Variants in SLC44A5 observed in about 807,000 individuals in gnomAD.
SLC44A5 encodes solute carrier family 44 member 5.
In SLC44A5, 57 loss-of-function variants were observed where a neutral mutation model predicts 101.8. The observed-to-expected ratio is 0.56, with a 90% CI of 0.45 to 0.70. The LOEUF is 0.70. Among genes scored for constraint, SLC44A5 ranks in the 30% least tolerant of loss-of-function variants. The probability of loss-of-function intolerance (pLI) is 0.00; values close to 1 mark genes in which losing one functional copy is unlikely to be tolerated. For synonymous variants in SLC44A5, 281 were observed against 290.9 expected (o/e 0.97, Z 0.35); for missense variants, 737 against 853.1 (o/e 0.86, Z 1.70).
At chr1:75,384,052 G>A (rs11487973) in intron 3 of SLC44A5, among the ~76,000 whole-genome samples, 39,110 of 150,804 alleles carry the variant, frequency 0.26, 5,461 homozygotes, top group African/African-American at 0.36. Context: ...AGCTCCTGAA[G>A]GAAGCACTAA....
At position 75,537,031 on chromosome 1, in the gene SLC44A5, AAAATAT is replaced by A. The variant is rs1177606011; in HGVS notation, c.13+4398_13+4403del. Among the ~76,000 whole-genome samples the A allele has an allele frequency of 3.2e-4, 5 of 15,742 alleles. 1 individual carries two copies. In the Admixed American group the frequency reaches 3.9e-3, roughly 12 times the overall value. The allele number at this position is 15,742 out of a possible 152,430, so 10.3% of individuals were successfully genotyped here. A position where few individuals can be genotyped will look rare whatever the true frequency, so the allele number is the denominator to read the frequency against. On this transcript the variant is annotated intron_variant, in intron 2 of 23. Transcript: ENST00000370859. ...AAAAAAAAAAAAAAAAAAAAAAAAAAAAATATATATCTATGCCAAATGATTCTGAAT... is the reference window on the plus strand; with the variant it reads ...AAAAAAAAAAAAAAAAAAAAAAAAAAATATCTATGCCAAATGATTCTGAAT...
chr1:75,329,729 A>T (rs530222576), intron 4 of SLC44A5, among the ~76,000 whole-genome samples: 11 of 152,232 alleles, frequency 7.2e-5, no homozygotes, highest in Admixed American at 3.9e-4. Context: ...TATTTTACAC[A>T]TATGCCGAGG....
At chr1:75,355,888 T>C (rs1659028479) in intron 3 of SLC44A5, among the ~76,000 whole-genome samples, 2 of 152,100 alleles carry the variant, frequency 1.3e-5, no homozygotes, top group South Asian at 4.1e-4. Flanking sequence ...CAGTAAATTG[T>C]AAAACAGTCT....
At chr1:75,219,649 G>T in intron 15 of SLC44A5, 151 bp downstream of exon 15, 1 of 622,472 alleles carries the variant, frequency 1.6e-6, no homozygotes, top group South Asian at 2.1e-5. Flanking sequence ...TCAATCGGTA[G>T]ATTGAAACGT....
In SLC44A5 at chr1:75,407,251, G is replaced by T. The variant is rs191176664; in HGVS notation, c.14-10630C>A. ...AAGAACATTCCATGCTCATGGATAG[G>T]AAGAATCAATATCATGAAAATGGCC... On this transcript the variant is annotated intron_variant, in intron 2 of 23. Transcript: ENST00000370859. 1.3e-3 allele frequency among the ~76,000 whole-genome samples: 198 copies of T among 152,204 alleles called. 3 individuals carry two copies. The highest frequency in any genetic ancestry group is 4.7e-3 in the African/African-American group (195 of 41,510).
chr1:75,215,784 T>C lies in SLC44A5; in HGVS notation c.1698A>G (p.Ile566Met), dbSNP rs771805728. The C allele has an allele frequency of 1.2e-6, 2 of 1,607,148 alleles. No homozygotes were observed. The change falls in exon 19 of 24, where the codon ATA (isoleucine) becomes ATG (methionine). Residue 566 changes from isoleucine to methionine, a missense_variant. Ile to Met is a conservative substitution (Grantham distance 10, BLOSUM62 1). This residue lies in a region of SLC44A5 where 665 missense variants were observed against 764.4 expected (regional missense o/e 0.87). Transcript: ENST00000370859. ...TATAGGCATTTCTGTTTAAAAACTT[T>C]ATTGCATTTTCCAAACACCAGAAGC... is the stretch of plus-strand genomic sequence containing the variant. ...RCCFWCLENA[I>M]KFLNRNAYIM...
At chr1:75,446,207 T>C (rs950605475) in intron 2 of SLC44A5, among the ~76,000 whole-genome samples, 8 of 152,124 alleles carry the variant, frequency 5.3e-5, no homozygotes, top group Non-Finnish European at 1.0e-4. Flanking sequence ...AAACTTTCCA[T>C]TTTTTTATAG....
At chr1:75,330,263 A>G (rs905626049) in intron 4 of SLC44A5, among the ~76,000 whole-genome samples, 11 of 151,614 alleles carry the variant, frequency 7.3e-5, no homozygotes, top group African/African-American at 2.4e-4. Context: ...TGTGTGCTGC[A>G]TATTTTCTCT....
At chr1:75,575,834 G>T (rs1673329497) in intron 1 of SLC44A5, among the ~76,000 whole-genome samples, 1 of 152,164 alleles carries the variant, frequency 6.6e-6, no homozygotes, top group South Asian at 2.1e-4. Flanking sequence ...GGAAATGTAG[G>T]ATACACGAAG....
At chr1:75,301,270 G>A (rs1483334304) in intron 4 of SLC44A5, among the ~76,000 whole-genome samples, 1 of 152,160 alleles carries the variant, frequency 6.6e-6, no homozygotes, top group African/African-American at 2.4e-5. Flanking sequence ...GTAAATGTAG[G>A]TTTAGAGGAA....
chr1:75,701,964 C>G, the SLC44A5 span, among the ~76,000 whole-genome samples: 2 of 152,174 alleles, frequency 1.3e-5, no homozygotes, highest in South Asian at 4.2e-4. Flanking sequence ...CATGAAGGAC[C>G]TCTTCAAGGA....
At chr1:75,600,918 C>A (rs1485967893) in intron 1 of SLC44A5, among the ~76,000 whole-genome samples, 1 of 152,132 alleles carries the variant, frequency 6.6e-6, no homozygotes, top group Non-Finnish European at 1.5e-5. Flanking sequence ...AATGTAGCCC[C>A]ATACTTAAGC....
chr1:75,282,122 C>G (rs770652092), intron 5 of SLC44A5, among the ~76,000 whole-genome samples: 9 of 152,220 alleles, frequency 5.9e-5, no homozygotes, highest in Non-Finnish European at 1.3e-4. Context: ...TGCCAAGTCA[C>G]AGGGGTGGAG....
intron 1 of SLC44A5, among the ~76,000 whole-genome samples, chr1:75,586,803 C>A (rs1041431466): frequency 6.6e-6 from 1 of 152,056 alleles, no homozygotes; most frequent in South Asian, 2.1e-4. Flanking sequence ...TCTATGTACC[C>A]CAAGGGCCTA....
intron 2 of SLC44A5, among the ~76,000 whole-genome samples, chr1:75,540,094 T>G (rs35480717): frequency 6.6e-6 from 1 of 152,212 alleles, no homozygotes; most frequent in Non-Finnish European, 1.5e-5. Context: ...ATTGCCCTGG[T>G]AATTCTATAT....
At chr1:75,409,446 C>G (rs1663132301) in intron 2 of SLC44A5, among the ~76,000 whole-genome samples, 1 of 152,000 alleles carries the variant, frequency 6.6e-6, no homozygotes, top group Non-Finnish European at 1.5e-5. Context: ...GTGATTGATT[C>G]AGAAGAGACA....
At chr1:75,646,959 T>G in the SLC44A5 span, among the ~76,000 whole-genome samples, 1 of 152,174 alleles carries the variant, frequency 6.6e-6, no homozygotes, top group Non-Finnish European at 1.5e-5. Context: ...TGATGAGAAA[T>G]TCAAGCCAGA....
intron 3 of SLC44A5, among the ~76,000 whole-genome samples, chr1:75,355,048 G>A (rs888511680): frequency 3.3e-5 from 5 of 152,222 alleles, no homozygotes; most frequent in South Asian, 2.1e-4. Flanking sequence ...ATCAGTTACC[G>A]TCATAAATGA....
At chr1:75,259,104 A>G (rs1023769974) in intron 6 of SLC44A5, among the ~76,000 whole-genome samples, 1 of 152,140 alleles carries the variant, frequency 6.6e-6, no homozygotes, top group African/African-American at 2.4e-5. Flanking sequence ...AATTCCAAAA[A>G]CCAGAATGCA....
Sources: gnomAD v4.1 joint callset for allele counts (sites outside exome capture counted in the v4.1 genomes callset) on GRCh38, gnomAD v4.1.1 for gene constraint, gnomAD v4.1.1 regional missense constraint, MANE v1.5 for transcripts, NCBI Gene and HGNC (gene_info 2026-07-23, HGNC 2026-07-21) for gene names.